Variants in ABI1 observed in about 807,000 individuals in gnomAD.
The protein encoded by ABI1 is Abelson interactor 1.
ABI1 carries 14 observed loss-of-function variants against 54.6 expected under a neutral mutation model. That is an observed-to-expected ratio of 0.26 (90% CI 0.17 to 0.40). The LOEUF (loss-of-function observed/expected upper bound fraction) is 0.40, where lower values mean the gene tolerates loss of function less well. Among genes scored for constraint, ABI1 ranks in the 10% least tolerant of loss-of-function variants. The pLI is 1.00. For missense variants in ABI1, 443 were observed against 598.3 expected (o/e 0.74, Z 2.71); for synonymous variants, 194 against 209.3 (o/e 0.93, Z 0.63).
intron 1 of ABI1, among the ~76,000 whole-genome samples, chr10:26,824,711 TA>T (rs11435784): frequency 1.3e-4 from 20 of 148,838 alleles, no homozygotes; most frequent in African/African-American, 2.9e-4. Context: ...ACCTTGGCAT[TA>T]AAAAAAAAAT....
chr10:26,765,021 G>A (rs2132641773), intron 7 of ABI1, among the ~76,000 whole-genome samples, 197 bp downstream of exon 7: 1 of 149,226 alleles, frequency 6.7e-6, no homozygotes, highest in Non-Finnish European at 1.5e-5. Flanking sequence ...TATATAAGGA[G>A]AAACAGCTGG....
At chr10:26,761,221 A>G (rs1421902701) in intron 7 of ABI1, among the ~76,000 whole-genome samples, 2 of 152,032 alleles carry the variant, frequency 1.3e-5, no homozygotes, top group Non-Finnish European at 2.9e-5. Flanking sequence ...TACAGGTGTG[A>G]GTCACCACTC....
intron 2 of ABI1, among the ~76,000 whole-genome samples, chr10:26,812,739 G>A (rs72794107): frequency 0.01 from 1,529 of 152,152 alleles, 22 homozygotes; most frequent in East Asian, 0.068. Context: ...TTCTCTTTGC[G>A]TCTTCACCCT....
At chr10:26,797,132 G>A (rs1016132181) in intron 2 of ABI1, among the ~76,000 whole-genome samples, 2 of 152,172 alleles carry the variant, frequency 1.3e-5, no homozygotes, top group East Asian at 1.9e-4. Flanking sequence ...TATTTTTTAA[G>A]TCTAAAGGAA....
At chr10:26,837,560 T>C (rs1334297772) in intron 1 of ABI1, among the ~76,000 whole-genome samples, 1 of 152,200 alleles carries the variant, frequency 6.6e-6, no homozygotes, top group African/African-American at 2.4e-5. Flanking sequence ...TTACAAATAC[T>C]TGACGGCAAT....
rs1836943381 is a variant in ABI1 at position 26,746,620 on chromosome 10, A to T, written c.*1950T>A. 6 of 830,604 alleles carry T rather than the reference A, an allele frequency of 7.2e-6. No homozygotes were observed. Among genetic ancestry groups the T allele is most frequent in the Middle Eastern group, 3.6e-4 (1 of 2,794 alleles). 51.5% of individuals were successfully genotyped at this position (830,604 alleles called of 1,614,324 possible). Reference sequence around the variant, plus strand: ...ATTGATGGGCAATTTATTTTTTTTTATTGCAAAAGTTTTTTCAGAAAACTT... The same window carrying T: ...ATTGATGGGCAATTTATTTTTTTTTTTTGCAAAAGTTTTTTCAGAAAACTT... On this transcript the variant is annotated 3_prime_UTR_variant, in exon 11 of 11. Coordinates refer to ENST00000376140, the MANE Select transcript of ABI1 (RefSeq NM_001012750.3).
intron 2 of ABI1, among the ~76,000 whole-genome samples, chr10:26,811,831 A>G (rs1036027442): frequency 1.4e-4 from 21 of 146,762 alleles, no homozygotes; most frequent in Non-Finnish European, 2.3e-4. Context: ...AAATTTGTAT[A>G]AATTTATGCA....
chr10:26,799,199 C>A (rs1427117506), intron 2 of ABI1, among the ~76,000 whole-genome samples: 1 of 151,556 alleles, frequency 6.6e-6, no homozygotes, highest in African/African-American at 2.4e-5. Context: ...CTCTGTCATC[C>A]AGACAAATCT....
At chr10:26,842,985 A>G (rs1411751024) in intron 1 of ABI1, among the ~76,000 whole-genome samples, 1 of 152,180 alleles carries the variant, frequency 6.6e-6, no homozygotes, top group African/African-American at 2.4e-5. Context: ...AGGAGGCTGC[A>G]GTGAACCAAG....
intron 1 of ABI1, among the ~76,000 whole-genome samples, chr10:26,851,374 T>TTTTTTTTTA (rs2050377909): frequency 6.9e-6 from 1 of 145,198 alleles, no homozygotes. Flanking sequence ...TTTTTTTTTT[T>TTTTTTTTTA]GAGACAGGGT....
chr10:26,803,117 A>G (rs2133399841), intron 2 of ABI1, among the ~76,000 whole-genome samples: 1 of 152,340 alleles, frequency 6.6e-6, no homozygotes, highest in East Asian at 1.9e-4. Flanking sequence ...AGTTAGGCAG[A>G]AGAAATAGGG....
intron 2 of ABI1, 33 bp from the exon 3 acceptor site, chr10:26,777,274 T>C (rs1174663327): frequency 1.3e-6 from 2 of 1,541,002 alleles, no homozygotes; most frequent in Middle Eastern, 1.7e-4. Flanking sequence ...CAAGAAAATA[T>C]TATTTGACAT....
chr10:26,770,094 T>C (rs1840484229), intron 5 of ABI1, 151 bp downstream of exon 5: 1 of 624,314 alleles, frequency 1.6e-6, no homozygotes, highest in African/African-American at 1.8e-5. Flanking sequence ...TGGGATTCTG[T>C]TCAGGAAAAT....
rs186114146 is a variant in ABI1 at position 26,838,678 on chromosome 10, A to C, written c.118-15373T>G. 5.5e-3 allele frequency among the ~76,000 whole-genome samples: 839 copies of C among 152,348 alleles called. 2 individuals carry two copies. The highest frequency in any genetic ancestry group is 0.014 in the Middle Eastern group (4 of 294). On this transcript the variant is annotated intron_variant, in intron 1 of 10. Coordinates refer to ENST00000376140, the MANE Select transcript of ABI1 (RefSeq NM_001012750.3). ...GCAGTTTTATAAACTAGATTGTGGA[A>C]ATCAGAGGCCACAAAAAAGGAGACA...
At chr10:26,812,819 C>T (rs918359343) in intron 2 of ABI1, among the ~76,000 whole-genome samples, 1 of 152,192 alleles carries the variant, frequency 6.6e-6, no homozygotes, top group South Asian at 2.1e-4. Context: ...TTAATTACCT[C>T]TTCAAAGACC....
chr10:26,844,327 A>T (rs1201978858), intron 1 of ABI1, among the ~76,000 whole-genome samples: 1 of 152,212 alleles, frequency 6.6e-6, no homozygotes, highest in Non-Finnish European at 1.5e-5. Flanking sequence ...AATTCTCTCT[A>T]AAAGTTCCTT....
chr10:26,822,364 G>A (rs898240111), intron 2 of ABI1, among the ~76,000 whole-genome samples: 3 of 151,894 alleles, frequency 2.0e-5, no homozygotes, highest in East Asian at 1.9e-4. Context: ...CTGCACAGAG[G>A]TACTTACCCA....
chr10:26,860,832 T>C lies in ABI1; in HGVS notation c.32A>G (p.Glu11Gly), dbSNP rs952078723. The C allele has an allele frequency of 1.9e-6, 3 of 1,613,990 alleles. No homozygotes were observed. The highest frequency in any genetic ancestry group is 2.5e-6 in the Non-Finnish European group (3 of 1,180,006). MAELQMLLEE[E>G]IPSGKRALIE... ...CAGCGCCCTCTTGCCAGACGGGATC[T>C]CCTCCTCTAGTAACATCTGCAGCTC... is the stretch of plus-strand genomic sequence containing the variant. Residue 11 changes from glutamate (E) to glycine (G), a missense_variant, in exon 1 of 11, where the codon GAG becomes GGG. Around this residue, in one of 2 missense-constraint regions of ABI1, gnomAD observed 394 missense variants for 484.8 expected, o/e 0.81. Transcript: ENST00000376140. This position sits in a 1 kb window ranked among gnomAD's most constrained non-coding sequence, Gnocchi z 4.1.
chr10:26,780,191 T>C (rs1376231456), intron 2 of ABI1, among the ~76,000 whole-genome samples: 1 of 152,062 alleles, frequency 6.6e-6, no homozygotes, highest in Non-Finnish European at 1.5e-5. Context: ...TCGATCAAGG[T>C]GTTCCCAAAC....
Sources: allele counts gnomAD v4.1 joint callset (sites outside exome capture counted in the v4.1 genomes callset), GRCh38; gene constraint gnomAD v4.1.1; regional missense constraint gnomAD v4.1.1; non-coding constraint Gnocchi (gnomAD v3.1); transcripts MANE v1.5; gene names NCBI Gene and HGNC (gene_info 2026-07-23, HGNC 2026-07-21).